Variants in SEPTIN14 observed in about 807,000 individuals in gnomAD.
The protein encoded by SEPTIN14 is septin-14.
Under a neutral mutation model 53.6 loss-of-function variants are expected in SEPTIN14, and 40 were observed. That is an observed-to-expected ratio of 0.75 (90% CI 0.58 to 0.97). SEPTIN14 has a LOEUF of 0.97. SEPTIN14 is among the 50% of genes least tolerant of loss of function. SEPTIN14 has a pLI of 0.00. For synonymous variants in SEPTIN14, 138 were observed against 166.8 expected, an observed-to-expected ratio of 0.83 and a Z score of 1.33; for missense variants, 471 against 508.2, an observed-to-expected ratio of 0.93 and a Z score of 0.70.
intron 2 of SEPTIN14, among the ~76,000 whole-genome samples, chr7:55,858,978 A>G (rs1198241325): frequency 6.6e-6 from 1 of 151,824 alleles, no homozygotes; most frequent in Non-Finnish European, 1.5e-5. Flanking sequence ...TCTACATAAG[A>G]TGTCCAGTTT....
At chr7:55,808,123 T>C (rs1269334348) in intron 7 of SEPTIN14, among the ~76,000 whole-genome samples, 1 of 152,004 alleles carries the variant, frequency 6.6e-6, no homozygotes, top group Non-Finnish European at 1.5e-5. Flanking sequence ...AGTAAGAAAA[T>C]ATCAGATTTA....
chr7:55,829,939 G>A (rs1789066796), intron 6 of SEPTIN14, among the ~76,000 whole-genome samples: 1 of 151,782 alleles, frequency 6.6e-6, no homozygotes, highest in South Asian at 2.1e-4. Context: ...AGCACTTTGG[G>A]AGGCCGAGGC....
chr7:55,814,886 C>T (rs879708368), intron 7 of SEPTIN14, among the ~76,000 whole-genome samples: 7 of 152,102 alleles, frequency 4.6e-5, no homozygotes, highest in African/African-American at 1.2e-4. Flanking sequence ...TACCTGACTT[C>T]GAATTATACT....
At chr7:55,817,248 A>G (rs948979417) in intron 7 of SEPTIN14, among the ~76,000 whole-genome samples, 3 of 152,168 alleles carry the variant, frequency 2.0e-5, no homozygotes, top group African/African-American at 7.2e-5. Context: ...TGAATACGCC[A>G]AACACAGAAA....
At chr7:55,840,983 T>A (rs1789301501) in intron 5 of SEPTIN14, among the ~76,000 whole-genome samples, 1 of 152,136 alleles carries the variant, frequency 6.6e-6, no homozygotes, top group Non-Finnish European at 1.5e-5. Context: ...CACTGCAACC[T>A]CCGCCTCCCT....
At chr7:55,858,461 T>C (rs1274473334) in intron 2 of SEPTIN14, among the ~76,000 whole-genome samples, 2 of 152,180 alleles carry the variant, frequency 1.3e-5, no homozygotes, top group African/African-American at 4.8e-5. Flanking sequence ...AAACATCCTC[T>C]GGCAAACCAA....
At chr7:55,806,092 G>A (rs1788605102) in intron 8 of SEPTIN14, among the ~76,000 whole-genome samples, 1 of 152,112 alleles carries the variant, frequency 6.6e-6, no homozygotes, top group East Asian at 1.9e-4. Flanking sequence ...TGCTGCCCAG[G>A]TTCAAGCGAT....
At chr7:55,858,305 A>G (rs1003430771) in intron 2 of SEPTIN14, among the ~76,000 whole-genome samples, 1 of 152,212 alleles carries the variant, frequency 6.6e-6, no homozygotes, top group African/African-American at 2.4e-5. Flanking sequence ...GCAATCAAAT[A>G]AAAAAGTATT....
chr7:55,804,327 C>T (rs1384796115), intron 9 of SEPTIN14, among the ~76,000 whole-genome samples: 1 of 150,206 alleles, frequency 6.7e-6, no homozygotes, highest in Non-Finnish European at 1.5e-5. Context: ...GGCACCATCT[C>T]GGCTCACTGC....
At chr7:55,853,231 T>C (rs1311289271) in intron 2 of SEPTIN14, among the ~76,000 whole-genome samples, 2 of 152,216 alleles carry the variant, frequency 1.3e-5, no homozygotes, top group South Asian at 2.1e-4. Flanking sequence ...TACACTCCCA[T>C]GCTTATTGCA....
chr7:55,825,329 G>A (rs575462673), intron 6 of SEPTIN14, among the ~76,000 whole-genome samples: 7 of 152,296 alleles, frequency 4.6e-5, no homozygotes, highest in African/African-American at 1.4e-4. Context: ...TAGTTGCCAA[G>A]GGTAAAGGGA....
At chr7:55,812,455 A>G (rs1788719384) in intron 7 of SEPTIN14, among the ~76,000 whole-genome samples, 2 of 152,152 alleles carry the variant, frequency 1.3e-5, no homozygotes, top group South Asian at 4.1e-4. Context: ...GAGGAAATGG[A>G]AAATATTGAT....
Position 55,828,299 on chromosome 7 carries a change from C to CTT in SEPTIN14, c.720+6124_720+6125dup, listed in dbSNP as rs35052627. Among the ~76,000 whole-genome samples the CTT allele has an allele frequency of 2.0e-3, 259 of 129,814 alleles. 2 individuals carry two copies. Among genetic ancestry groups the CTT allele is most frequent in the African/African-American group, 4.0e-3 (139 of 34,500 alleles). The allele number at this position is 129,814 out of a possible 152,430, so 85.2% of individuals were successfully genotyped here. A position where few individuals can be genotyped will look rare whatever the true frequency, so the allele number is the denominator to read the frequency against. ...TGAAGGGTTGGGTTACAGATGAAAGCTTTTTTTTTTTTTTTTTCTTTTTGA... is the reference window on the plus strand; with the variant it reads ...TGAAGGGTTGGGTTACAGATGAAAGCTTTTTTTTTTTTTTTTTTTCTTTTTGA... On this transcript the variant is annotated intron_variant, in intron 6 of 9. Coordinates refer to ENST00000388975, the MANE Select transcript of SEPTIN14 (RefSeq NM_207366.3).
At chr7:55,830,130 A>C (rs1789073099) in intron 6 of SEPTIN14, among the ~76,000 whole-genome samples, 1 of 147,388 alleles carries the variant, frequency 6.8e-6, no homozygotes, top group Non-Finnish European at 1.5e-5. Context: ...GTGAGCAGAG[A>C]TCGCACCGCT....
chr7:55,834,644 T>G, intron 5 of SEPTIN14, 58 bp from the exon 6 acceptor site: 2 of 1,402,846 alleles, frequency 1.4e-6, no homozygotes, highest in Non-Finnish European at 1.9e-6. Flanking sequence ...GTTTTTTTGT[T>G]TTTTGTTTTT....
chr7:55,835,359 T>C (rs957803891), intron 5 of SEPTIN14, among the ~76,000 whole-genome samples: 16 of 151,848 alleles, frequency 1.1e-4, no homozygotes, highest in South Asian at 4.2e-4. Flanking sequence ...CCCACCACCA[T>C]GCCCGGCTAC....
chr7:55,812,246 G>C (rs1358653080), intron 7 of SEPTIN14, among the ~76,000 whole-genome samples: 1 of 152,164 alleles, frequency 6.6e-6, no homozygotes, highest in Non-Finnish European at 1.5e-5. Context: ...AAATACTATA[G>C]AGCTTTTAAA....
chr7:55,799,625 G>A (rs1361294078), intron 9 of SEPTIN14, among the ~76,000 whole-genome samples: 1 of 151,294 alleles, frequency 6.6e-6, no homozygotes, highest in African/African-American at 2.4e-5. Context: ...TTAGACTTTT[G>A]GTCAAATGTT....
In SEPTIN14 at chr7:55,862,054, A is replaced by G. The variant is rs79523243; in HGVS notation, c.-15-43T>C. On this transcript the variant is annotated intron_variant, in intron 1 of 9. Transcript: ENST00000388975. ...TAAACATTTTTAAAAATTTCTTACA[A>G]AGGCTATATTCTTACTATATAATTT... 3.8e-3 allele frequency: 4,613 copies of G among 1,208,480 alleles called. 97 individuals are homozygous for G. The highest frequency in any genetic ancestry group is 0.035 in the South Asian group (2,431 of 70,380). 74.9% of individuals were successfully genotyped at this position (1,208,480 alleles called of 1,614,324 possible). A position where few individuals can be genotyped will look rare whatever the true frequency, so the allele number is the denominator to read the frequency against.
Sources: gnomAD v4.1 joint callset for allele counts (sites outside exome capture counted in the v4.1 genomes callset) on GRCh38, gnomAD v4.1.1 for gene constraint, MANE v1.5 for transcripts, NCBI Gene and HGNC (gene_info 2026-07-23, HGNC 2026-07-21) for gene names.